Variants in FETUB observed in about 807,000 individuals in gnomAD.
FETUB encodes the protein fetuin B.
In FETUB, 28 loss-of-function variants were observed where a neutral mutation model predicts 30.9. The ratio of observed to expected loss-of-function variants is 0.90; its 90% confidence interval spans 0.67 to 1.24. The LOEUF is 1.24. Ranked by LOEUF, FETUB falls within the 50% of genes most tolerant of loss-of-function variation. The pLI is 0.00. For synonymous variants in FETUB, 186 were observed against 175.9 expected (o/e 1.06, Z -0.45); for missense variants, 469 against 455.3 (o/e 1.03, Z -0.27).
In FETUB at chr3:186,647,918, C is replaced by T. The variant is rs1245909485; in HGVS notation, c.696+1569C>T. Among the ~76,000 whole-genome samples the T allele has an allele frequency of 3.9e-5, 6 of 151,978 alleles. No homozygotes were observed. The South Asian group carries it at 1.0e-3, about 26-fold the overall frequency. ...CATATCTAAGAAACCATTGCCTAAT[C>T]CATAATCACCAAGATTTACATGTGT... On this transcript the variant is annotated intron_variant, in intron 5 of 6. Transcript: ENST00000265029.
In FETUB at chr3:186,652,550, G is replaced by A; in HGVS notation, c.1068G>A (p.Leu356=). ...LEPMEEKLVV[L]PFPKEKARTA... ...CTATGGAGGAGAAGCTGGTGGTCCT[G>A]CCTTTCCCCAAAGAAAAAGCACGCA... The change falls in exon 7 of 7, where the codon CTG becomes CTA. Residue 356 remains leucine (L), a synonymous_variant. Transcript: ENST00000265029. 6.2e-7 allele frequency: 1 copy of A among 1,614,052 alleles called. No homozygotes were observed. Among genetic ancestry groups the A allele is most frequent in the Non-Finnish European group, 8.5e-7 (1 of 1,180,014 alleles).
At chr3:186,638,817 C>A (rs1716852328), upstream of FETUB, among the ~76,000 whole-genome samples, 1 of 152,188 alleles carries the variant, frequency 6.6e-6, no homozygotes, top group Non-Finnish European at 1.5e-5. Flanking sequence ...GTTGCTCAAG[C>A]TCAATGAATG....
chr3:186,643,979 AT>A (rs1176449702), intron 3 of FETUB, among the ~76,000 whole-genome samples: 6 of 152,200 alleles, frequency 3.9e-5, no homozygotes, highest in Non-Finnish European at 5.9e-5. Flanking sequence ...TCTTAAAAAA[AT>A]ATTTAGTCTT....
Position 186,640,467 on chromosome 3 carries a change from C to T in FETUB, c.7C>T (p.Leu3=). Residue 3 remains leucine (L), a synonymous_variant, in exon 1 of 7, where the codon CTG becomes TTG. Coordinates refer to ENST00000265029, the MANE Select transcript of FETUB (RefSeq NM_014375.3). The stretch of plus-strand genomic sequence containing the variant: ...GGGCCTTGTTCTCCACAGAATGGGT[C>T]TGCTCCTTCCCCTGGCACTCTGCAT... MG[L]LLPLALCILV... 6.2e-7 allele frequency: 1 copy of T among 1,613,980 alleles called. No homozygotes were observed. Among genetic ancestry groups the T allele is most frequent in the Non-Finnish European group, 8.5e-7 (1 of 1,179,852 alleles).
upstream of FETUB, among the ~76,000 whole-genome samples, chr3:186,639,145 AC>A (rs1392269465): frequency 6.6e-6 from 1 of 152,208 alleles, no homozygotes; most frequent in East Asian, 1.9e-4. Flanking sequence ...GAGGGGCTAT[AC>A]CTGCTGAGAG....
chr3:186,640,578 G>A lies in FETUB; in HGVS notation c.118G>A (p.Asp40Asn), dbSNP rs754740084. 5 of 1,613,134 alleles carry A rather than the reference G, an allele frequency of 3.1e-6. No homozygotes were observed. Among genetic ancestry groups the A allele is most frequent in the Non-Finnish European group, 4.2e-6 (5 of 1,179,094 alleles). ...GCTCTCCCGGGGCTGCAATGACTCA[G>A]ATGTGCTGGCAGTTGCAGGCTTTGC... ...ALLSRGCNDS[D>N]VLAVAGFALR... The change falls in exon 1 of 7, where the codon GAT (aspartate) becomes AAT (asparagine). Residue 40 changes from aspartate to asparagine, a missense_variant. Asp to Asn is a conservative substitution (Grantham distance 23). Coordinates refer to ENST00000265029, the MANE Select transcript of FETUB (RefSeq NM_014375.3).
At chr3:186,643,305 T>C (rs1579038135) in intron 3 of FETUB, among the ~76,000 whole-genome samples, 1 of 152,336 alleles carries the variant, frequency 6.6e-6, no homozygotes, top group South Asian at 2.1e-4. Flanking sequence ...TAATGACACT[T>C]GAAATATGCA....
At position 186,642,675 on chromosome 3, in the gene FETUB, T is replaced by C. The variant is rs931698161; in HGVS notation, c.424+117T>C. 7.1e-6 allele frequency: 5 copies of C among 699,470 alleles called. No individual in the cohort carries two copies. The African/African-American group carries it at 7.3e-5, about 10-fold the overall frequency. The allele number at this position is 699,470 out of a possible 1,614,324, so 43.3% of individuals were successfully genotyped here. The stretch of plus-strand genomic sequence containing the variant: ...ATTCTTATTTTCTGTTTATTCTTAA[T>C]GCCAGTTTCTTAATATTTCCAGTAC... On this transcript the variant is annotated intron_variant, in intron 3 of 6. Transcript: ENST00000265029.
rs145796461 is a variant in FETUB, at chr3:186,640,630, A to T, written c.170A>T (p.Lys57Met). The change falls in exon 1 of 7, where the codon AAG becomes ATG. Residue 57 changes from lysine to methionine, a missense_variant. By Grantham distance (95) the Lys-to-Met change is moderately conservative (BLOSUM62 -1). Coordinates refer to ENST00000265029, the MANE Select transcript of FETUB (RefSeq NM_014375.3). ...FALRDINKDR[K>M]DGYVLRLNRV... is the part of the protein sequence containing the mutation. ...CTGCGGGATATTAACAAAGACAGAA[A>T]GGATGGCTATGTGCTGAGACTCAAC... 3.1e-5 allele frequency: 50 copies of T among 1,614,086 alleles called. No individual in the cohort carries two copies. The East Asian group carries it at 1.1e-3, about 36-fold the overall frequency.
In FETUB at chr3:186,642,472, T is replaced by A. The variant is rs879063810; in HGVS notation, c.338T>A (p.Val113Asp). The change falls in exon 3 of 7, where the codon GTT becomes GAT. Residue 113 changes from valine (V) to aspartate (D), a missense_variant and splice_region_variant. Val to Asp is a radical substitution (Grantham distance 152). Coordinates refer to ENST00000265029, the MANE Select transcript of FETUB (RefSeq NM_014375.3). ...DCGMRIFFES[V>D]YGQCKAIFYM... ...ATAAAATGCATTTGTTGGTTTCAGG[T>A]TTATGGTCAATGCAAAGCAATATTT... 3 of 1,587,860 alleles carry A rather than the reference T, an allele frequency of 1.9e-6. No individual in the cohort carries two copies. In the South Asian group the frequency reaches 3.3e-5, roughly 18 times the overall value.
Position 186,641,037 on chromosome 3 carries a change from T to G in FETUB, c.233T>G (p.Leu78Arg). Residue 78 changes from leucine (L) to arginine (R), a missense_variant, in exon 2 of 7, where the codon CTG becomes CGG. Transcript: ENST00000265029. ...CTCTACCCCTTCCCACAGGGTGGCCTGGGATCTCTGTTCTATCTTACACTG... is the reference window on the plus strand; with the variant it reads ...CTCTACCCCTTCCCACAGGGTGGCCGGGGATCTCTGTTCTATCTTACACTG... The part of the protein sequence containing the change: ...NDAQEYRRGG[L>R]GSLFYLTLDV... The G allele has an allele frequency of 1.2e-6, 2 of 1,610,430 alleles. No individual in the cohort carries two copies. Among genetic ancestry groups the G allele is most frequent in the South Asian group, 2.2e-5 (2 of 90,972 alleles).
At chr3:186,640,374 G>A (rs1005385303), upstream of FETUB, 38 of 1,017,372 alleles carry the variant, frequency 3.7e-5, no homozygotes, top group Middle Eastern at 2.1e-4. Context: ...TAACAAAACC[G>A]CTCAAGTCTG....
At chr3:186,647,665 T>G (rs1717662948) in intron 5 of FETUB, among the ~76,000 whole-genome samples, 1 of 152,218 alleles carries the variant, frequency 6.6e-6, no homozygotes. Context: ...ATAAATCATT[T>G]GCCTACCTAA....
At chr3:186,645,673 G>A (rs188772238) in intron 4 of FETUB, among the ~76,000 whole-genome samples, 5 of 148,744 alleles carry the variant, frequency 3.4e-5, no homozygotes, top group African/African-American at 1.2e-4. Context: ...AATTCTACAT[G>A]AGGAAAAATA....
chr3:186,652,571 A>G lies in FETUB; in HGVS notation c.1089A>G (p.Ala363=). 2 of 1,613,838 alleles carry G rather than the reference A, an allele frequency of 1.2e-6. No homozygotes were observed. The highest frequency in any genetic ancestry group is 1.7e-6 in the Non-Finnish European group (2 of 1,179,990). ...LVVLPFPKEK[A]RTAECPGPAQ... is the part of the protein sequence containing the mutation. ...TCCTGCCTTTCCCCAAAGAAAAAGC[A>G]CGCACTGCTGAGTGCCCAGGGCCAG... Residue 363 remains alanine, a synonymous_variant, in exon 7 of 7, where the codon GCA becomes GCG. Transcript: ENST00000265029.
At chr3:186,638,111 C>T (rs1716829991), upstream of FETUB, among the ~76,000 whole-genome samples, 2 of 152,198 alleles carry the variant, frequency 1.3e-5, no homozygotes, top group South Asian at 4.1e-4. Context: ...TTAATATCAT[C>T]TGTTTCTTTT....
chr3:186,650,878 A>C (rs1201589345), intron 5 of FETUB, among the ~76,000 whole-genome samples: 2 of 152,244 alleles, frequency 1.3e-5, no homozygotes, highest in Non-Finnish European at 2.9e-5. Context: ...TGCTATATAA[A>C]AGATGAAAAC....
chr3:186,644,840 A>C lies in FETUB; in HGVS notation c.514A>C (p.Thr172Pro), dbSNP rs1717363643. 1.2e-6 allele frequency: 2 copies of C among 1,613,922 alleles called. No individual in the cohort carries two copies. The highest frequency in any genetic ancestry group is 4.5e-5 in the East Asian group (2 of 44,884). The change falls in exon 4 of 7, where the codon ACC becomes CCC. Residue 172 changes from threonine to proline, a missense_variant. Coordinates refer to ENST00000265029, the MANE Select transcript of FETUB (RefSeq NM_014375.3). Reference protein sequence around the residue: ...SSNHQVLEAATESLAKYNNEN... With the variant: ...SSNHQVLEAAPESLAKYNNEN... ...CAATCACCAAGTGCTGGAGGCTGCC[A>C]CCGAGTCTCTTGCGAAATACAACAA...
Position 186,652,705 on chromosome 3 carries a change from A to G in FETUB, c.*74A>G. Reference sequence around the variant, plus strand: ...GAGGCGATGGGGACGATGGACAGAGACAGAGCGTGCACACGTAGAGTGGCT... The same window carrying G: ...GAGGCGATGGGGACGATGGACAGAGGCAGAGCGTGCACACGTAGAGTGGCT... On this transcript the variant is annotated 3_prime_UTR_variant, in exon 7 of 7. Coordinates refer to ENST00000265029, the MANE Select transcript of FETUB (RefSeq NM_014375.3). The G allele has an allele frequency of 6.6e-7, 1 of 1,507,352 alleles. No individual in the cohort carries two copies. Among genetic ancestry groups the G allele is most frequent in the Non-Finnish European group, 8.8e-7 (1 of 1,132,818 alleles). The allele number at this position is 1,507,352 out of a possible 1,614,324, so 93.4% of individuals were successfully genotyped here.
Sources: allele counts gnomAD v4.1 joint callset (sites outside exome capture counted in the v4.1 genomes callset), GRCh38; gene constraint gnomAD v4.1.1; transcripts MANE v1.5; gene names NCBI Gene and HGNC (gene_info 2026-07-23, HGNC 2026-07-21).